Variants in ABCC9 observed in about 807,000 individuals in gnomAD.
The protein encoded by ABCC9 is ATP binding cassette subfamily C member 9, also known as ATP-binding cassette sub-family C member 9.
ABCC9 carries 95 observed loss-of-function variants against 188.3 expected under a neutral mutation model. The ratio of observed to expected loss-of-function variants is 0.50; its 90% CI spans 0.43 to 0.60. The LOEUF is 0.60. Ranked by LOEUF, ABCC9 falls within the 20% of genes least tolerant of loss-of-function variation. The probability of loss-of-function intolerance (pLI) is 0.00; values close to 1 mark genes in which losing one functional copy is unlikely to be tolerated. For missense variants in ABCC9, 1,102 were observed against 1,876.3 expected, an observed-to-expected ratio of 0.59 and a Z score of 7.62; for synonymous variants, 659 against 652.7, an observed-to-expected ratio of 1.01 and a Z score of -0.15.
rs371317726 is a variant in ABCC9 at position 21,847,279 on chromosome 12, T to C, written c.2866+871A>G. On this transcript the variant is annotated intron_variant, in intron 25 of 39. Coordinates refer to ENST00000261200, the MANE Select transcript of ABCC9 (RefSeq NM_020297.4). Reference sequence around the variant, plus strand: ...CCATTAGAAATAATTTATATAGAGTTCTAGAAGCTGATGTCTGTTTACAGC... The same window carrying C: ...CCATTAGAAATAATTTATATAGAGTCCTAGAAGCTGATGTCTGTTTACAGC... Among the ~76,000 whole-genome samples the C allele has an allele frequency of 1.9e-4, 29 of 152,298 alleles. 2 individuals carry two copies. Among genetic ancestry groups the C allele is most frequent in the African/African-American group, 7.0e-4 (29 of 41,564 alleles).
Position 21,817,090 on chromosome 12 carries a change from G to A in ABCC9, c.3892+97C>T, listed in dbSNP as rs1157362211. On this transcript the variant is annotated intron_variant, in intron 33 of 39. Transcript: ENST00000261200. Reference sequence around the variant, plus strand: ...ATGAGAGAGTTTTCTGGATACTGAAGTGGAAAGCAAAAGCAGAAACAACAA... The same window carrying A: ...ATGAGAGAGTTTTCTGGATACTGAAATGGAAAGCAAAAGCAGAAACAACAA... 8.0e-6 allele frequency: 11 copies of A among 1,379,870 alleles called. No homozygotes were observed. The Admixed American group carries it at 1.0e-4, about 13-fold the overall frequency. The allele number at this position is 1,379,870 out of a possible 1,614,324, so 85.5% of individuals were successfully genotyped here.
In ABCC9 at chr12:21,800,898, T is replaced by G. The variant is rs1565674521; in HGVS notation, c.*146A>C. 5.3e-6 allele frequency: 5 copies of G among 950,414 alleles called. No individual in the cohort carries two copies. The highest frequency in any genetic ancestry group is 7.9e-6 in the Non-Finnish European group (5 of 636,690). The allele number at this position is 950,414 out of a possible 1,614,324, so 58.9% of individuals were successfully genotyped here. A position where few individuals can be genotyped will look rare whatever the true frequency, so the allele number is the denominator to read the frequency against. Reference sequence around the variant, plus strand: ...GCAATAATATCTTGAAAAACTGTTTTAAAAACAGGAAAAATAAATGTCCAC... The same window carrying G: ...GCAATAATATCTTGAAAAACTGTTTGAAAAACAGGAAAAATAAATGTCCAC... On this transcript the variant is annotated 3_prime_UTR_variant, in exon 40 of 40. Coordinates refer to ENST00000261200, the MANE Select transcript of ABCC9 (RefSeq NM_020297.4).
intron 15 of ABCC9, among the ~76,000 whole-genome samples, chr12:21,887,207 T>C (rs1186237663): frequency 6.6e-6 from 1 of 152,204 alleles, no homozygotes; most frequent in Non-Finnish European, 1.5e-5. Context: ...AAAATAATAT[T>C]GACTATGTTT....
intron 31 of ABCC9, among the ~76,000 whole-genome samples, chr12:21,820,880 T>C (rs1373014248): frequency 6.6e-6 from 1 of 152,172 alleles, no homozygotes; most frequent in Non-Finnish European, 1.5e-5. Context: ...GTGTATGAAA[T>C]TATCTTATTT....
intron 18 of ABCC9, chr12:21,869,765 A>G (rs704200): frequency 1 from 151,988 of 152,342 alleles, 75,818 homozygotes; most frequent in Middle Eastern, 1. Context: ...CACAGGCCAC[A>G]TTCTAGACTG....
chr12:21,840,551 A>G (rs1339509079), intron 29 of ABCC9, among the ~76,000 whole-genome samples: 1 of 152,228 alleles, frequency 6.6e-6, no homozygotes, highest in African/African-American at 2.4e-5. Flanking sequence ...ATAGGACCAA[A>G]TGAGTATGTG....
At chr12:21,827,170 G>A (rs1307529973) in intron 31 of ABCC9, 10 of 985,416 alleles carry the variant, frequency 1.0e-5, no homozygotes, top group Non-Finnish European at 1.2e-5. Context: ...TTTGGCTGCT[G>A]TTCCTTTCTA....
chr12:21,844,810 G>A lies in ABCC9; in HGVS notation c.3202C>T (p.Leu1068Phe). The change falls in exon 27 of 40, where the codon CTT becomes TTT. Residue 1068 changes from leucine to phenylalanine, a missense_variant. By Grantham distance (22) the Leu-to-Phe change is conservative. Coordinates refer to ENST00000261200, the MANE Select transcript of ABCC9 (RefSeq NM_020297.4). ...EWMGLTAAKNLHHNLLNKIIL... is the reference protein window; with the variant it reads ...EWMGLTAAKNFHHNLLNKIIL... ...ATCTTATTGAGAAGGTTGTGGTGAA[G>A]ATTTTTGGCAGCTGTGAGACCCATC... 1 of 1,613,992 alleles carries A rather than the reference G, an allele frequency of 6.2e-7. No individual in the cohort carries two copies. Among genetic ancestry groups the A allele is most frequent in the Non-Finnish European group, 8.5e-7 (1 of 1,179,876 alleles).
intron 5 of ABCC9, chr12:21,925,203 A>C (rs964069889): frequency 1.8e-5 from 5 of 276,586 alleles, no homozygotes; most frequent in African/African-American, 1.1e-4. Flanking sequence ...TAAGAAAGAA[A>C]GTATACTCCA....
At chr12:21,940,231 G>A (rs908534796) in intron 2 of ABCC9, among the ~76,000 whole-genome samples, 1 of 152,140 alleles carries the variant, frequency 6.6e-6, no homozygotes, top group African/African-American at 2.4e-5. Context: ...GAGAAAACAT[G>A]CTAAATTTAA....
At position 21,799,830 on chromosome 12, in the gene ABCC9, A is replaced by T. The variant is rs557468594; in HGVS notation, c.*1214T>A. The T allele has an allele frequency of 6.6e-6, 1 of 152,334 alleles. No homozygotes were observed. Among genetic ancestry groups the T allele is most frequent in the South Asian group, 2.1e-4 (1 of 4,832 alleles). The allele number at this position is 152,334 out of a possible 1,614,324, so 9.4% of individuals were successfully genotyped here. A position where few individuals can be genotyped will look rare whatever the true frequency, so the allele number is the denominator to read the frequency against. On this transcript the variant is annotated 3_prime_UTR_variant, in exon 40 of 40. Transcript: ENST00000261200. The stretch of plus-strand genomic sequence containing the variant: ...ATAGTAGAAACTGGTTGCTAACGTG[A>T]CAAAGAAGGTGACTTTTAGTATTTT...
intron 7 of ABCC9, 65 bp downstream of exon 7, chr12:21,915,603 C>T (rs1224373966): frequency 1.9e-6 from 3 of 1,580,230 alleles, no homozygotes; most frequent in African/African-American, 1.4e-5. Flanking sequence ...AGCTCTGCCT[C>T]CCAGGTTCAT....
intron 18 of ABCC9, among the ~76,000 whole-genome samples, chr12:21,868,737 T>C (rs936289924): frequency 6.6e-6 from 1 of 152,196 alleles, no homozygotes; most frequent in African/African-American, 2.4e-5. Flanking sequence ...TTTAGTTTAT[T>C]GTTTTGGTTT....
chr12:21,813,744 GA>G (rs1345630099), intron 35 of ABCC9, among the ~76,000 whole-genome samples: 1 of 152,134 alleles, frequency 6.6e-6, no homozygotes, highest in Non-Finnish European at 1.5e-5. Context: ...CCTTGTTCCT[GA>G]ATCTGAACCC....
intron 31 of ABCC9, chr12:21,827,328 C>T: frequency 2.0e-6 from 2 of 985,292 alleles, no homozygotes; most frequent in Non-Finnish European, 2.4e-6. Context: ...AGAGCAGAAA[C>T]AGGAGTCGGT....
At chr12:21,862,110 T>C (rs1233343564) in intron 20 of ABCC9, among the ~76,000 whole-genome samples, 4 of 152,186 alleles carry the variant, frequency 2.6e-5, no homozygotes, top group African/African-American at 9.7e-5. Context: ...AATTTTTTTT[T>C]CTCAACCATC....
intron 30 of ABCC9, among the ~76,000 whole-genome samples, chr12:21,829,496 C>T (rs530239670): frequency 1.5e-4 from 23 of 152,190 alleles, no homozygotes; most frequent in South Asian, 2.1e-4. Context: ...CCACCGCACC[C>T]GGCCCAGTAA....
At position 21,803,256 on chromosome 12, in the gene ABCC9, C is replaced by T. The variant is rs187052050; in HGVS notation, c.4513-2075G>A. Among the ~76,000 whole-genome samples the T allele has an allele frequency of 3.7e-4, 56 of 151,982 alleles. 1 individual carries two copies. The highest frequency in any genetic ancestry group is 1.3e-3 in the African/African-American group (53 of 41,478). ...CAGAAAAATATTAGCTGTTCAATAG[C>T]CATATCATGGATGTCTAAAAAAAGA... is the stretch of plus-strand genomic sequence containing the variant. On this transcript the variant is annotated intron_variant, in intron 39 of 39. Coordinates refer to ENST00000261200, the MANE Select transcript of ABCC9 (RefSeq NM_020297.4).
intron 31 of ABCC9, among the ~76,000 whole-genome samples, chr12:21,822,024 T>G (rs1436125305): frequency 6.6e-6 from 1 of 152,146 alleles, no homozygotes; most frequent in Non-Finnish European, 1.5e-5. Context: ...AGAAATATTA[T>G]TTTTGACCCG....
Sources: gnomAD v4.1 joint callset for allele counts (sites outside exome capture counted in the v4.1 genomes callset) on GRCh38, gnomAD v4.1.1 for gene constraint, MANE v1.5 for transcripts, NCBI Gene and HGNC (gene_info 2026-07-23, HGNC 2026-07-21) for gene names.